The following PDE7B variants were observed in gnomAD, a reference collection of about 807,000 sequenced individuals.
PDE7B encodes the protein 3',5'-cyclic-AMP phosphodiesterase 7B.
Under a neutral mutation model 56.2 loss-of-function variants are expected in PDE7B, and 29 were observed. That is an observed-to-expected ratio of 0.52 (90% CI 0.38 to 0.70). The LOEUF (loss-of-function observed/expected upper bound fraction) is 0.70, where lower values mean the gene tolerates loss of function less well. Among genes scored for constraint, PDE7B ranks in the 30% least tolerant of loss-of-function variants. PDE7B has a pLI of 0.00. For missense variants in PDE7B, 490 were observed against 565.0 expected, an observed-to-expected ratio of 0.87 and a Z score of 1.35; for synonymous variants, 197 against 196.9, an observed-to-expected ratio of 1.00 and a Z score of 0.00.
rs573098879 is a variant in PDE7B at position 135,982,791 on chromosome 6, G to A, written c.82+35267G>A. On this transcript the variant is annotated intron_variant, in intron 2 of 12. Coordinates refer to ENST00000308191, the MANE Select transcript of PDE7B (RefSeq NM_018945.4). ...TTTTTTTCTGTGCCAAATGCAACAC[G>A]TGGCCTTTTTATGCCATACTTCTGG... 6.6e-5 allele frequency among the ~76,000 whole-genome samples: 10 copies of A among 152,196 alleles called. No individual in the cohort carries two copies. The South Asian group carries it at 1.5e-3, about 22-fold the overall frequency.
chr6:136,018,896 T>A (rs1359447708), intron 2 of PDE7B, among the ~76,000 whole-genome samples: 1 of 152,020 alleles, frequency 6.6e-6, no homozygotes, highest in Non-Finnish European at 1.5e-5. Flanking sequence ...TTAGCCTGTG[T>A]TTTAACTGAT....
intron 8 of PDE7B, among the ~76,000 whole-genome samples, chr6:136,173,364 C>G (rs1432138349): frequency 6.6e-6 from 1 of 152,138 alleles, no homozygotes; most frequent in Non-Finnish European, 1.5e-5. Flanking sequence ...CTACAACTAT[C>G]TGATCTTTGA....
chr6:136,082,889 G>T (rs1777229797), intron 2 of PDE7B, among the ~76,000 whole-genome samples: 1 of 152,100 alleles, frequency 6.6e-6, no homozygotes, highest in Admixed American at 6.5e-5. Context: ...TGTGAGACGA[G>T]AAAAAAATAG....
intron 1 of PDE7B, among the ~76,000 whole-genome samples, chr6:135,902,909 A>G (rs1776031343): frequency 1.3e-5 from 2 of 152,284 alleles, no homozygotes; most frequent in South Asian, 4.1e-4. Context: ...TATTCTCCTC[A>G]TTCTACTGAT....
At chr6:136,079,394 CTTGAA>C (rs990665521) in intron 2 of PDE7B, among the ~76,000 whole-genome samples, 6 of 152,234 alleles carry the variant, frequency 3.9e-5, no homozygotes, top group African/African-American at 1.4e-4. Flanking sequence ...TGTGGCTAAA[CTTGAA>C]TTAACAAAAA....
chr6:136,182,707 C>T (rs960076892), intron 11 of PDE7B, among the ~76,000 whole-genome samples: 7 of 152,216 alleles, frequency 4.6e-5, no homozygotes, highest in African/African-American at 9.6e-5. Context: ...TAGTAAGGCC[C>T]ATAGTGCCAG....
At chr6:135,883,656 C>CT (rs1562423974) in intron 1 of PDE7B, among the ~76,000 whole-genome samples, 3 of 152,226 alleles carry the variant, frequency 2.0e-5, no homozygotes, top group Admixed American at 6.5e-5. Context: ...GTGGCTGGCA[C>CT]TGAACTAGGC....
intron 8 of PDE7B, among the ~76,000 whole-genome samples, chr6:136,165,295 G>A (rs574674980): frequency 6.6e-6 from 1 of 152,176 alleles, no homozygotes; most frequent in Non-Finnish European, 1.5e-5. Flanking sequence ...GTGTGTATGT[G>A]TGTTTCCAAC....
chr6:136,157,719 A>C (rs1274116865), intron 8 of PDE7B, among the ~76,000 whole-genome samples: 1 of 152,230 alleles, frequency 6.6e-6, no homozygotes, highest in Non-Finnish European at 1.5e-5. Context: ...TGCAGCGGGA[A>C]AAAAAAGAAC....
chr6:135,887,651 A>G (rs1461126329), intron 1 of PDE7B, among the ~76,000 whole-genome samples: 1 of 152,086 alleles, frequency 6.6e-6, no homozygotes, highest in African/African-American at 2.4e-5. Flanking sequence ...ATTTACAGAG[A>G]ATATATTAAT....
chr6:136,038,129 G>A, intron 2 of PDE7B: 3 of 1,305,734 alleles, frequency 2.3e-6, no homozygotes, highest in Non-Finnish European at 3.0e-6. Context: ...TTCCGAAGCT[G>A]GAGAGGATCT....
At chr6:136,171,249 T>A (rs1445206323) in intron 8 of PDE7B, among the ~76,000 whole-genome samples, 2 of 152,162 alleles carry the variant, frequency 1.3e-5, no homozygotes, top group African/African-American at 4.8e-5. Context: ...AGGACAGGAA[T>A]GTTAAGATAA....
chr6:136,004,499 G>C (rs1029990162), intron 2 of PDE7B, among the ~76,000 whole-genome samples: 17 of 152,184 alleles, frequency 1.1e-4, no homozygotes, highest in African/African-American at 3.9e-4. Context: ...AGCAACTTCA[G>C]CAAAGTCTCA....
intron 1 of PDE7B, among the ~76,000 whole-genome samples, chr6:135,926,057 G>A (rs1033303213): frequency 5.4e-5 from 7 of 129,684 alleles, no homozygotes; most frequent in Admixed American, 1.9e-4. Flanking sequence ...CCTGAATAAT[G>A]AGGCATGCTT....
At chr6:136,011,298 G>A (rs1472576948) in intron 2 of PDE7B, among the ~76,000 whole-genome samples, 5 of 152,064 alleles carry the variant, frequency 3.3e-5, no homozygotes, top group Non-Finnish European at 7.4e-5. Flanking sequence ...ATACTCAAAG[G>A]TTCCCAAGAT....
intron 3 of PDE7B, among the ~76,000 whole-genome samples, chr6:136,137,599 C>G (rs550698359): frequency 6.6e-5 from 10 of 152,166 alleles, no homozygotes; most frequent in African/African-American, 2.2e-4. Context: ...ACCAGATATA[C>G]AGTTGACAGA....
intron 2 of PDE7B, among the ~76,000 whole-genome samples, chr6:135,968,051 T>A (rs767451093): frequency 6.6e-6 from 1 of 152,226 alleles, no homozygotes; most frequent in Non-Finnish European, 1.5e-5. Context: ...TTGAAACAAA[T>A]GACGCAAGCA....
At chr6:135,869,464 G>T (rs9385746) in intron 1 of PDE7B, among the ~76,000 whole-genome samples, 1 of 151,906 alleles carries the variant, frequency 6.6e-6, no homozygotes, top group Non-Finnish European at 1.5e-5. Flanking sequence ...AGTACTTTTA[G>T]GTGAGAGAGC....
At chr6:135,955,471 A>G (rs1230413129) in intron 2 of PDE7B, among the ~76,000 whole-genome samples, 1 of 152,162 alleles carries the variant, frequency 6.6e-6, no homozygotes, top group Non-Finnish European at 1.5e-5. Context: ...AAAAACTGTA[A>G]GAAAGTCTTT....
Sources: gnomAD v4.1 joint callset for allele counts (sites outside exome capture counted in the v4.1 genomes callset) on GRCh38, gnomAD v4.1.1 for gene constraint, MANE v1.5 for transcripts, NCBI Gene and HGNC (gene_info 2026-07-23, HGNC 2026-07-21) for gene names.